Variants in FYB1 observed in about 807,000 individuals in gnomAD.
FYB1 encodes FYN binding protein 1, also known as FYN-binding protein 1.
In FYB1, 41 loss-of-function variants were observed where a neutral mutation model predicts 94.1. The ratio of observed to expected loss-of-function variants is 0.44; its 90% CI spans 0.34 to 0.57. The LOEUF is 0.57. Ranked by LOEUF, FYB1 falls within the 20% of genes least tolerant of loss-of-function variation. The pLI is 0.02. For synonymous variants in FYB1, 367 were observed against 353.2 expected, an observed-to-expected ratio of 1.04 and a Z score of -0.44; for missense variants, 1,050 against 976.8, an observed-to-expected ratio of 1.07 and a Z score of -1.00.
At chr5:39,262,627 C>T (rs1167040913) in intron 1 of FYB1, among the ~76,000 whole-genome samples, 4 of 152,026 alleles carry the variant, frequency 2.6e-5, no homozygotes, top group Non-Finnish European at 2.9e-5. Context: ...CCCTCTATGC[C>T]AAAGGATGTT....
At chr5:39,245,247 ATG>A (rs896478315) in intron 1 of FYB1, among the ~76,000 whole-genome samples, 3 of 152,208 alleles carry the variant, frequency 2.0e-5, no homozygotes, top group African/African-American at 7.2e-5. Context: ...CTAATGCAAA[ATG>A]AGATATAGGG....
At chr5:39,175,920 T>C (rs1745678948) in intron 2 of FYB1, among the ~76,000 whole-genome samples, 1 of 152,050 alleles carries the variant, frequency 6.6e-6, no homozygotes, top group Admixed American at 6.6e-5. Context: ...GGATAAGGAA[T>C]AGTGTGTCCC....
chr5:39,255,521 C>T (rs929329029), intron 1 of FYB1, among the ~76,000 whole-genome samples: 4 of 151,472 alleles, frequency 2.6e-5, no homozygotes, highest in Non-Finnish European at 4.4e-5. Flanking sequence ...CTTCCACACA[C>T]GCACACTCAA....
Position 39,105,693 on chromosome 5 carries a change from T to A in FYB1, c.*1750A>T, listed in dbSNP as rs1177063548. 6.6e-6 allele frequency: 1 copy of A among 152,034 alleles called. No individual in the cohort carries two copies. Among genetic ancestry groups the A allele is most frequent in the Non-Finnish European group, 1.5e-5 (1 of 67,950 alleles). The allele number at this position is 152,034 out of a possible 1,614,324, so 9.4% of individuals were successfully genotyped here. A position where few individuals can be genotyped will look rare whatever the true frequency, so the allele number is the denominator to read the frequency against. Reference sequence around the variant, plus strand: ...TATCCTGTCTGTGTATTATATATATTTATTACCAAATTTAATAAACAAAAA... The same window carrying A: ...TATCCTGTCTGTGTATTATATATATATATTACCAAATTTAATAAACAAAAA... On this transcript the variant is annotated 3_prime_UTR_variant, in exon 19 of 19. Transcript: ENST00000512982.
intron 1 of FYB1, among the ~76,000 whole-genome samples, chr5:39,247,139 A>C (rs1291970166): frequency 7.7e-6 from 1 of 129,652 alleles, no homozygotes; most frequent in Non-Finnish European, 1.6e-5. Context: ...TTGTCAAATG[A>C]ATAGCTTTTC....
At chr5:39,244,590 T>C (rs1751383021) in intron 1 of FYB1, among the ~76,000 whole-genome samples, 1 of 145,066 alleles carries the variant, frequency 6.9e-6, no homozygotes, top group African/African-American at 2.9e-5. Context: ...GGGATATTGG[T>C]CTAAAATTCT....
chr5:39,220,412 T>A (rs1750184262), upstream of FYB1, among the ~76,000 whole-genome samples: 3 of 118,822 alleles, frequency 2.5e-5, no homozygotes. Flanking sequence ...AGATCCTGTC[T>A]GAAGGAAAAA....
rs112022910 is a variant in FYB1, at chr5:39,232,547, ATT to A, written c.-27-29562_-27-29561del. ...ATTTTATTTATTTATTTATTTATTT[ATT>A]TTTTATTTATTTTTTTTGCTTTTTT... On this transcript the variant is annotated intron_variant, in intron 1 of 1. Coordinates refer to the FYB1 transcript ENST00000510188. 6.7e-5 allele frequency among the ~76,000 whole-genome samples: 10 copies of A among 149,982 alleles called. 1 individual carries two copies. Among genetic ancestry groups the A allele is most frequent in the African/African-American group, 2.5e-4 (10 of 40,186 alleles).
intron 2 of FYB1, among the ~76,000 whole-genome samples, chr5:39,157,336 G>T (rs1743849493): frequency 6.6e-6 from 1 of 152,110 alleles, no homozygotes; most frequent in Non-Finnish European, 1.5e-5. Flanking sequence ...CTCTTAGTGT[G>T]ATTTTATGAG....
chr5:39,146,350 G>A (rs368807029), intron 3 of FYB1, among the ~76,000 whole-genome samples: 22 of 151,936 alleles, frequency 1.4e-4, no homozygotes, highest in Non-Finnish European at 2.2e-4. Context: ...GTATTCCTTC[G>A]TAATTATGGG....
intron 14 of FYB1, among the ~76,000 whole-genome samples, chr5:39,121,493 T>C (rs149496783): frequency 3.3e-4 from 50 of 152,304 alleles, no homozygotes; most frequent in African/African-American, 1.1e-3. Context: ...TTTTTACCAG[T>C]ACAGCTCAGA....
intron 2 of FYB1, among the ~76,000 whole-genome samples, chr5:39,183,537 C>T (rs1439051232): frequency 6.6e-6 from 1 of 152,126 alleles, no homozygotes; most frequent in Non-Finnish European, 1.5e-5. Context: ...TCACTTGAGG[C>T]AAGCCCAGCA....
chr5:39,181,376 T>C (rs1368228267), intron 2 of FYB1, among the ~76,000 whole-genome samples: 1 of 108,654 alleles, frequency 9.2e-6, no homozygotes, highest in African/African-American at 2.5e-5. Flanking sequence ...AGCTGAATTT[T>C]GAATTTCAAT....
chr5:39,136,821 C>T (rs894472702), intron 7 of FYB1, among the ~76,000 whole-genome samples: 10 of 152,134 alleles, frequency 6.6e-5, no homozygotes, highest in African/African-American at 2.4e-4. Flanking sequence ...ATATTAAATG[C>T]TCCAGAGGAA....
In FYB1 at chr5:39,137,633, T is replaced by C. The variant is rs767935048; in HGVS notation, c.1482A>G (p.Glu494=). 1 of 1,535,986 alleles carries C rather than the reference T, an allele frequency of 6.5e-7. No homozygotes were observed. Among genetic ancestry groups the C allele is most frequent in the South Asian group, 1.2e-5 (1 of 83,124 alleles). The change falls in exon 7 of 19, where the codon GAA becomes GAG. Residue 494 remains glutamate (E), a synonymous_variant. Transcript: ENST00000512982. Reference sequence around the variant, plus strand: ...TCTTCTTTATTTCTTGTTCTTTCTTTTCTTTCTCTTTCTGTTCCTTTTTCT... The same window carrying C: ...TCTTCTTTATTTCTTGTTCTTTCTTCTCTTTCTCTTTCTGTTCCTTTTTCT... ...ELEKKEQKEK[E]KKEQEIKKKF... is the part of the protein sequence containing the mutation.
At chr5:39,178,729 C>T (rs1020642625) in intron 2 of FYB1, among the ~76,000 whole-genome samples, 7 of 152,088 alleles carry the variant, frequency 4.6e-5, no homozygotes, top group Non-Finnish European at 8.8e-5. Context: ...CTGATGACAA[C>T]TGAGGTGAAT....
chr5:39,270,693 C>T (rs150317881), intron 1 of FYB1: 11,374 of 844,804 alleles, frequency 0.013, 104 homozygotes, highest in Middle Eastern at 0.016. Flanking sequence ...TGTGGTCTGT[C>T]CAGCTTTCAC....
chr5:39,147,490 G>GTGTC (rs1742776114), intron 3 of FYB1, among the ~76,000 whole-genome samples: 1 of 140,904 alleles, frequency 7.1e-6, no homozygotes, highest in Non-Finnish European at 1.6e-5. Context: ...GTGTGTGTCT[G>GTGTC]TGTGTGTGTA....
intron 17 of FYB1, among the ~76,000 whole-genome samples, chr5:39,109,087 G>A (rs2150251636): frequency 6.6e-6 from 1 of 152,226 alleles, no homozygotes; most frequent in East Asian, 1.9e-4. Flanking sequence ...ATTCAGAAAT[G>A]TAGGGTGGCT....
Sources: allele counts gnomAD v4.1 joint callset (sites outside exome capture counted in the v4.1 genomes callset), GRCh38; gene constraint gnomAD v4.1.1; transcripts MANE v1.5; gene names NCBI Gene and HGNC (gene_info 2026-07-23, HGNC 2026-07-21).